Variants in MAB21L3 observed in about 807,000 individuals in gnomAD.
The protein encoded by MAB21L3 is protein mab-21-like 3.
MAB21L3 carries 36 observed loss-of-function variants against 37.7 expected under a neutral mutation model. The ratio of observed to expected loss-of-function variants is 0.96; its 90% CI spans 0.73 to 1.26. The LOEUF is 1.26. MAB21L3 is among the 50% of genes most tolerant of loss of function. MAB21L3 has a pLI of 0.00. For synonymous variants in MAB21L3, 186 were observed against 176.8 expected, an observed-to-expected ratio of 1.05 and a Z score of -0.41; for missense variants, 430 against 447.3, an observed-to-expected ratio of 0.96 and a Z score of 0.35.
At position 116,134,256 on chromosome 1, in the gene MAB21L3, T is replaced by C. The variant is rs913862394; in HGVS notation, c.*891T>C. On this transcript the variant is annotated 3_prime_UTR_variant, in exon 8 of 8. Transcript: ENST00000369500. ...CTTAGGTGTCTGTCACTGCTCAGTG[T>C]GTTCCTTTGCTCACTTCATTCACTC... 3 of 152,110 alleles carry C rather than the reference T, an allele frequency of 2.0e-5. No individual in the cohort carries two copies. Among genetic ancestry groups the C allele is most frequent in the Non-Finnish European group, 2.9e-5 (2 of 68,068 alleles). 9.4% of individuals were successfully genotyped at this position (152,110 alleles called of 1,614,324 possible).
chr1:116,121,610 A>T (rs1410747986), intron 4 of MAB21L3, among the ~76,000 whole-genome samples: 1 of 151,792 alleles, frequency 6.6e-6, no homozygotes. Context: ...GAGGGCATCC[A>T]TAAGAAGACA....
At chr1:116,112,729 C>A in intron 3 of MAB21L3, 66 bp downstream of exon 3, 1 of 1,539,776 alleles carries the variant, frequency 6.5e-7, no homozygotes, top group Non-Finnish European at 9.0e-7. Flanking sequence ...AACAAACCTT[C>A]GTCCAGAAAG....
chr1:116,117,053 T>C (rs968816449), intron 3 of MAB21L3, among the ~76,000 whole-genome samples: 1 of 151,712 alleles, frequency 6.6e-6, no homozygotes, highest in Non-Finnish European at 1.5e-5. Context: ...CATACACACA[T>C]GTACATACAT....
Position 116,133,343 on chromosome 1 carries a change from A to G in MAB21L3, c.1067A>G (p.Asn356Ser), listed in dbSNP as rs145901908. 1.7e-5 allele frequency: 27 copies of G among 1,613,946 alleles called. 1 individual carries two copies. The African/African-American group carries it at 3.6e-4, about 22-fold the overall frequency. Residue 356 changes from asparagine (N) to serine (S), a missense_variant, in exon 8 of 8, where the codon AAC (asparagine) becomes AGC (serine). Coordinates refer to ENST00000369500, the MANE Select transcript of MAB21L3 (RefSeq NM_152367.3). ...CAAAAGCTGGCCACCTTCCTGAAGA[A>G]CCCCCAGATCGGCCCGCCCTGATGG... ...VAQKLATFLK[N>S]PQIGPP
chr1:116,112,452 G>A lies in MAB21L3; in HGVS notation c.-164G>A, dbSNP rs1432227888. ...ATTTGGAAATAAAAACATGAGTGAA[G>A]GGTTCGGAAGGCAAGTCTCTGGTCC... On this transcript the variant is annotated 5_prime_UTR_variant, in exon 3 of 8. Transcript: ENST00000369500. 2.0e-6 allele frequency: 1 copy of A among 506,082 alleles called. No individual in the cohort carries two copies. The allele number at this position is 506,082 out of a possible 1,614,324, so 31.3% of individuals were successfully genotyped here. A position where few individuals can be genotyped will look rare whatever the true frequency, so the allele number is the denominator to read the frequency against.
chr1:116,120,854 G>T, intron 3 of MAB21L3, 78 bp from the exon 4 acceptor site: 1 of 1,559,330 alleles, frequency 6.4e-7, no homozygotes. Context: ...CTGTACCCTT[G>T]TCTCCTCACT....
rs542921512 is a variant in MAB21L3 at position 116,138,047 on chromosome 1, G to A, written c.*4682G>A. On this transcript the variant is annotated 3_prime_UTR_variant, in exon 8 of 8. Coordinates refer to ENST00000369500, the MANE Select transcript of MAB21L3 (RefSeq NM_152367.3). ...TAGATGACGAGTTAGTGGGTGCAGC[G>A]CACCAGCATGGCACATGTATACATA... Among the ~76,000 whole-genome samples, 427 of 150,470 alleles carry A rather than the reference G, an allele frequency of 2.8e-3. 2 individuals carry two copies. The highest frequency in any genetic ancestry group is 0.01 in the African/African-American group (413 of 40,828).
At position 116,137,426 on chromosome 1, in the gene MAB21L3, T is replaced by C. The variant is rs1660218340; in HGVS notation, c.*4061T>C. On this transcript the variant is annotated 3_prime_UTR_variant, in exon 8 of 8. Transcript: ENST00000369500. ...AATGCAAATCAAAACCACAGTGAGA[T>C]ACCATCTCACACCAGTTAGAATGGC... 1.5e-5 allele frequency among the ~76,000 whole-genome samples: 2 copies of C among 135,218 alleles called. No individual in the cohort carries two copies. Among genetic ancestry groups the C allele is most frequent in the South Asian group, 4.4e-4 (2 of 4,570 alleles). 88.7% of individuals were successfully genotyped at this position (135,218 alleles called of 152,430 possible).
intron 4 of MAB21L3, among the ~76,000 whole-genome samples, chr1:116,123,074 A>C (rs1018821462): frequency 1.3e-4 from 20 of 152,196 alleles, no homozygotes; most frequent in African/African-American, 4.3e-4. Flanking sequence ...AGAGTTAACC[A>C]AATTCCATGG....
At chr1:116,128,989 T>C (rs1429404902) in intron 7 of MAB21L3, among the ~76,000 whole-genome samples, 3 of 152,250 alleles carry the variant, frequency 2.0e-5, no homozygotes, top group African/African-American at 7.2e-5. Context: ...CAAGTGTTTA[T>C]TGAGATTACT....
Position 116,127,658 on chromosome 1 carries a change from G to A in MAB21L3, c.660+14G>A, listed in dbSNP as rs1482128010. On this transcript the variant is annotated intron_variant, in intron 6 of 7. Transcript: ENST00000369500. ...GAGTGCATCAAGGTATCAGTGGGCG[G>A]GACCCAGCTTGCCAGAGCAGTGATG... 2 of 1,603,288 alleles carry A rather than the reference G, an allele frequency of 1.2e-6. No individual in the cohort carries two copies. Among genetic ancestry groups the A allele is most frequent in the Non-Finnish European group, 1.7e-6 (2 of 1,174,812 alleles).
chr1:116,133,638 T>C lies in MAB21L3; in HGVS notation c.*273T>C. ...GCTTCCCCAGGCACAGATTTGGAAC[T>C]GGTGACAGTTCTGAACTTAGTTTCC... On this transcript the variant is annotated 3_prime_UTR_variant, in exon 8 of 8. Transcript: ENST00000369500. 3.8e-6 allele frequency: 2 copies of C among 525,286 alleles called. No individual in the cohort carries two copies. The allele number at this position is 525,286 out of a possible 1,614,324, so 32.5% of individuals were successfully genotyped here.
Position 116,128,241 on chromosome 1 carries a change from G to C in MAB21L3, c.757G>C (p.Gly253Arg). ...QVLLEQLDED[G>R]GCRRKCFQVM... ...GTTACTGGAACAGCTGGATGAAGATGGGGGCTGCCGTAGGAAGTGTTTTCA... is the reference window on the plus strand; with the variant it reads ...GTTACTGGAACAGCTGGATGAAGATCGGGGCTGCCGTAGGAAGTGTTTTCA... The change falls in exon 7 of 8, where the codon GGG becomes CGG. Residue 253 changes from glycine (G) to arginine (R), a missense_variant. Physicochemically the swap from Gly to Arg is moderately radical, Grantham distance 125. Coordinates refer to ENST00000369500, the MANE Select transcript of MAB21L3 (RefSeq NM_152367.3). 1 of 1,613,546 alleles carries C rather than the reference G, an allele frequency of 6.2e-7. No individual in the cohort carries two copies. The highest frequency in any genetic ancestry group is 8.5e-7 in the Non-Finnish European group (1 of 1,179,706).
chr1:116,125,682 T>C (rs1659888560), intron 5 of MAB21L3, among the ~76,000 whole-genome samples: 1 of 145,542 alleles, frequency 6.9e-6, no homozygotes, highest in South Asian at 2.1e-4. Flanking sequence ...ATAGTTTATG[T>C]TTAATAGATT....
intron 7 of MAB21L3, 133 bp from the exon 8 acceptor site, chr1:116,132,999 T>C: frequency 1.4e-6 from 1 of 734,502 alleles, no homozygotes; most frequent in Non-Finnish European, 2.3e-6. Flanking sequence ...GATTGTGAAT[T>C]CATGGTAGAT....
At chr1:116,112,694 C>T (rs1659464302) in intron 3 of MAB21L3, 31 bp downstream of exon 3, 11 of 1,609,966 alleles carry the variant, frequency 6.8e-6, no homozygotes, top group Non-Finnish European at 9.4e-6. Flanking sequence ...TCCCATGAAC[C>T]CCCTCCCCAT....
chr1:116,133,276 C>A lies in MAB21L3; in HGVS notation c.1000C>A (p.Leu334Ile). Residue 334 changes from leucine to isoleucine, a missense_variant, in exon 8 of 8, where the codon CTC becomes ATC. By Grantham distance (5) the Leu-to-Ile change is conservative. Coordinates refer to ENST00000369500, the MANE Select transcript of MAB21L3 (RefSeq NM_152367.3). ...LKHYFVRNSNLFQCTNPTELD... is the reference protein window; with the variant it reads ...LKHYFVRNSNIFQCTNPTELD... ...ACACTATTTCGTCCGGAACAGCAAC[C>A]TCTTTCAGTGCACCAACCCGACTGA... is the stretch of plus-strand genomic sequence containing the variant. The A allele has an allele frequency of 6.2e-7, 1 of 1,614,234 alleles. No individual in the cohort carries two copies. Among genetic ancestry groups the A allele is most frequent in the Non-Finnish European group, 8.5e-7 (1 of 1,180,038 alleles).
Position 116,124,185 on chromosome 1 carries a change from G to A in MAB21L3, c.309G>A (p.Pro103=), listed in dbSNP as rs758702617. 34 of 1,614,104 alleles carry A rather than the reference G, an allele frequency of 2.1e-5. No individual in the cohort carries two copies. The highest frequency in any genetic ancestry group is 8.3e-5 in the Admixed American group (5 of 60,010). The change falls in exon 5 of 8, where the codon CCG becomes CCA. Residue 103 remains proline, a synonymous_variant. Coordinates refer to ENST00000369500, the MANE Select transcript of MAB21L3 (RefSeq NM_152367.3). ...TGCAGGGCACCAGGCTGCCCTGCCC[G>A]TTGCGGGACCCTGAGGGTCTGCAGC... ...YTLQGTRLPC[P]LRDPEGLQQW...
intron 7 of MAB21L3, among the ~76,000 whole-genome samples, chr1:116,132,495 G>A (rs533194960): frequency 3.9e-5 from 6 of 152,232 alleles, no homozygotes; most frequent in East Asian, 1.9e-4. Context: ...GGGCCTTGAC[G>A]AGAGGAGCCT....
Sources: allele counts gnomAD v4.1 joint callset (sites outside exome capture counted in the v4.1 genomes callset), GRCh38; gene constraint gnomAD v4.1.1; transcripts MANE v1.5; gene names NCBI Gene and HGNC (gene_info 2026-07-23, HGNC 2026-07-21).